CNTN6: variants seen among roughly 807,000 people sequenced by gnomAD.
CNTN6 encodes the protein contactin-6.
A neutral mutation model predicts 122.8 loss-of-function variants in CNTN6; 137 were observed. That is an observed-to-expected ratio of 1.12 (90% CI 0.97 to 1.29). The LOEUF (loss-of-function observed/expected upper bound fraction) is 1.29. Among genes scored for constraint, CNTN6 ranks in the 50% most tolerant of loss-of-function variants. CNTN6 has a pLI of 0.00. For missense variants in CNTN6, 1,634 were observed against 1,223.4 expected (o/e 1.34, Z -5.01); for synonymous variants, 570 against 426.0 (o/e 1.34, Z -4.16).
intron 4 of CNTN6, among the ~76,000 whole-genome samples, chr3:1,277,467 C>T (rs1394533191): frequency 1.4e-5 from 2 of 147,094 alleles, no homozygotes; most frequent in African/African-American, 5.0e-5. Flanking sequence ...TCAAGCAATT[C>T]TCATGCCTCA....
At chr3:1,401,645 C>T (rs1241882248) in intron 21 of CNTN6, 100 bp downstream of exon 21, 7 of 717,614 alleles carry the variant, frequency 9.8e-6, no homozygotes, top group East Asian at 2.8e-5. Context: ...TATGGAAACA[C>T]TGGAATCTTT....
At position 1,146,154 on chromosome 3, in the gene CNTN6, A is replaced by G. The variant is rs148004169; in HGVS notation, c.-82-1773A>G. Reference sequence around the variant, plus strand: ...TCTCCACGGTAGCCAGAGATATAACATAAATTTTGATTCTGTTCTGCTCAA... The same window carrying G: ...TCTCCACGGTAGCCAGAGATATAACGTAAATTTTGATTCTGTTCTGCTCAA... On this transcript the variant is annotated intron_variant, in intron 1 of 22. Transcript: ENST00000446702. Among the ~76,000 whole-genome samples the G allele has an allele frequency of 2.6e-3, 398 of 152,280 alleles. 2 individuals are homozygous for G. The highest frequency in any genetic ancestry group is 9.0e-3 in the African/African-American group (375 of 41,566).
chr3:1,168,373 A>G (rs2093298624), intron 2 of CNTN6, among the ~76,000 whole-genome samples: 2 of 148,280 alleles, frequency 1.3e-5, no homozygotes, highest in Admixed American at 6.9e-5. Context: ...TGAGCAGTGC[A>G]CATCTAGTAT....
At chr3:1,234,478 T>C (rs1387533641) in intron 4 of CNTN6, among the ~76,000 whole-genome samples, 1 of 152,122 alleles carries the variant, frequency 6.6e-6, no homozygotes, top group Non-Finnish European at 1.5e-5. Context: ...ATAAGAAATA[T>C]AAAAGCAGTT....
At chr3:1,313,373 C>T (rs1327428973) in intron 7 of CNTN6, among the ~76,000 whole-genome samples, 1 of 151,924 alleles carries the variant, frequency 6.6e-6, no homozygotes, top group East Asian at 1.9e-4. Context: ...GGACAATGGT[C>T]CTTTCATGTC....
chr3:1,219,883 A>C (rs1206581677), intron 2 of CNTN6, among the ~76,000 whole-genome samples: 1 of 152,208 alleles, frequency 6.6e-6, no homozygotes, highest in Middle Eastern at 3.4e-3. Flanking sequence ...GCATGGTGGC[A>C]AAAATTAACC....
intron 4 of CNTN6, among the ~76,000 whole-genome samples, chr3:1,243,133 A>AG (rs2094510477): frequency 6.6e-6 from 1 of 152,136 alleles, no homozygotes; most frequent in Non-Finnish European, 1.5e-5. Context: ...CCAGAGTTCC[A>AG]GGGGCTCTGG....
At chr3:1,129,442 A>AATAT (rs1341973932) in intron 1 of CNTN6, among the ~76,000 whole-genome samples, 1 of 152,026 alleles carries the variant, frequency 6.6e-6, no homozygotes, top group African/African-American at 2.4e-5. Flanking sequence ...TCATGCATAT[A>AATAT]GGCACAGGCT....
intron 2 of CNTN6, among the ~76,000 whole-genome samples, chr3:1,175,594 C>T (rs1253812132): frequency 6.6e-6 from 1 of 152,046 alleles, no homozygotes. Flanking sequence ...TATTGTAAAA[C>T]AATATGAAGT....
At chr3:1,305,425 C>G (rs1242641288) in intron 7 of CNTN6, among the ~76,000 whole-genome samples, 2 of 152,172 alleles carry the variant, frequency 1.3e-5, no homozygotes, top group Non-Finnish European at 2.9e-5. Flanking sequence ...GCTTTCAACT[C>G]TCAGCTTTGT....
At chr3:1,146,614 T>G (rs2092728240) in intron 1 of CNTN6, among the ~76,000 whole-genome samples, 2 of 152,156 alleles carry the variant, frequency 1.3e-5, no homozygotes, top group South Asian at 4.1e-4. Flanking sequence ...TTTTTTTGTT[T>G]TGTTTCTCTG....
At chr3:1,384,796 T>TATACACACACACAC (rs1224742660) in intron 19 of CNTN6, among the ~76,000 whole-genome samples, 2 of 133,788 alleles carry the variant, frequency 1.5e-5, no homozygotes, top group African/African-American at 5.7e-5. Flanking sequence ...TATATATATA[T>TATACACACACACAC]ACACACACAC....
intron 2 of CNTN6, among the ~76,000 whole-genome samples, chr3:1,174,209 G>A (rs542829993): frequency 5.9e-5 from 9 of 152,222 alleles, no homozygotes; most frequent in African/African-American, 2.2e-4. Flanking sequence ...CTTTTACAGA[G>A]GCTTTATTTT....
At chr3:1,109,325 A>G (rs573201714) in intron 1 of CNTN6, among the ~76,000 whole-genome samples, 37 of 152,212 alleles carry the variant, frequency 2.4e-4, no homozygotes, top group Middle Eastern at 3.4e-3. Flanking sequence ...TTGGAGATGC[A>G]TGCAAAATTG....
chr3:1,299,046 C>T (rs1275486890), intron 7 of CNTN6, among the ~76,000 whole-genome samples: 1 of 152,060 alleles, frequency 6.6e-6, no homozygotes, highest in East Asian at 1.9e-4. Flanking sequence ...AGTTTGTTTT[C>T]TATAGATGGA....
intron 4 of CNTN6, among the ~76,000 whole-genome samples, chr3:1,244,880 G>T (rs1207066106): frequency 2.2e-5 from 3 of 134,478 alleles, no homozygotes; most frequent in Non-Finnish European, 4.8e-5. Flanking sequence ...TTAAGGGTGG[G>T]GGAGACTACA....
intron 1 of CNTN6, among the ~76,000 whole-genome samples, chr3:1,123,532 A>G (rs2092042340): frequency 6.6e-6 from 1 of 151,844 alleles, no homozygotes; most frequent in Admixed American, 6.6e-5. Flanking sequence ...TAATTTTTAT[A>G]TTTTGATCTT....
chr3:1,350,523 T>C (rs1322536981), intron 11 of CNTN6, among the ~76,000 whole-genome samples: 1 of 151,826 alleles, frequency 6.6e-6, no homozygotes. Context: ...TTGATTAGGA[T>C]TTCATAGAAA....
intron 12 of CNTN6, among the ~76,000 whole-genome samples, chr3:1,366,901 A>G (rs1202711927): frequency 6.6e-6 from 1 of 152,202 alleles, no homozygotes; most frequent in Non-Finnish European, 1.5e-5. Flanking sequence ...ATGCTTATGT[A>G]GAGCTACTTC....
Sources: allele counts gnomAD v4.1 joint callset (sites outside exome capture counted in the v4.1 genomes callset), GRCh38; gene constraint gnomAD v4.1.1; transcripts MANE v1.5; gene names NCBI Gene and HGNC (gene_info 2026-07-23, HGNC 2026-07-21).